The following BABAM2 variants were observed in gnomAD, a reference collection of about 807,000 sequenced individuals.
BABAM2 encodes the protein BRISC and BRCA1-A complex member 2.
Under a neutral mutation model 54.7 loss-of-function variants are expected in BABAM2, and 31 were observed. That is an observed-to-expected ratio of 0.57 (90% CI 0.43 to 0.77). BABAM2 has a LOEUF of 0.77. Among genes scored for constraint, BABAM2 ranks in the 30% least tolerant of loss-of-function variants. The pLI is 0.00. For missense variants in BABAM2, 364 were observed against 455.8 expected (o/e 0.80, Z 1.83); for synonymous variants, 167 against 162.9 (o/e 1.03, Z -0.19).
chr2:28,060,421 A>G (rs774726129), intron 6 of BABAM2, among the ~76,000 whole-genome samples: 1 of 152,164 alleles, frequency 6.6e-6, no homozygotes, highest in Non-Finnish European at 1.5e-5. Context: ...AAGACCAAAT[A>G]CTTTCTCTCT....
chr2:28,045,895 T>A (rs1677520764), intron 6 of BABAM2, 96 bp downstream of exon 6: 6 of 983,224 alleles, frequency 6.1e-6, no homozygotes, highest in Non-Finnish European at 8.9e-6. Flanking sequence ...AGCATTTTGT[T>A]CAGATGATGA....
At chr2:28,260,642 A>G (rs1181041535) in intron 10 of BABAM2, among the ~76,000 whole-genome samples, 1 of 152,054 alleles carries the variant, frequency 6.6e-6, no homozygotes, top group Non-Finnish European at 1.5e-5. Context: ...AGTCTTTTAC[A>G]TCCTTTGCCT....
chr2:27,997,311 G>A (rs947380469), intron 4 of BABAM2, among the ~76,000 whole-genome samples: 3 of 152,124 alleles, frequency 2.0e-5, no homozygotes, highest in African/African-American at 7.2e-5. Context: ...AAGAGAATAT[G>A]AGAAAATTAC....
chr2:27,946,989 G>T (rs1032558067), intron 3 of BABAM2, among the ~76,000 whole-genome samples: 1 of 151,802 alleles, frequency 6.6e-6, no homozygotes, highest in Non-Finnish European at 1.5e-5. Flanking sequence ...TGCTTTCCTT[G>T]ATGAATCTAG....
rs1558667729 is a variant in BABAM2 at position 28,026,916 on chromosome 2, TAATATATATA to T, written c.495+1507_495+1516del. The stretch of plus-strand genomic sequence containing the variant: ...TATATAAATATATATAAATATATAT[TAATATATATA>T]AATATATATATAAATATATATTAAT... On this transcript the variant is annotated intron_variant, in intron 5 of 11. Coordinates refer to ENST00000379624, the MANE Select transcript of BABAM2 (RefSeq NM_199191.3). Among the ~76,000 whole-genome samples, 26 of 34,702 alleles carry T rather than the reference TAATATATATA, an allele frequency of 7.5e-4. 3 individuals carry two copies. The highest frequency in any genetic ancestry group is 0.018 in the Middle Eastern group (1 of 56). 22.8% of individuals were successfully genotyped at this position (34,702 alleles called of 152,430 possible). A position where few individuals can be genotyped will look rare whatever the true frequency, so the allele number is the denominator to read the frequency against.
intron 7 of BABAM2, among the ~76,000 whole-genome samples, chr2:28,222,127 C>T (rs1413313757): frequency 1.3e-5 from 2 of 152,150 alleles, no homozygotes; most frequent in Non-Finnish European, 2.9e-5. Flanking sequence ...CAGCACTTGC[C>T]GGATGGCCCA....
rs190385700 is a variant in BABAM2, at chr2:28,329,622, A to G, written c.1089-8828A>G. On this transcript the variant is annotated intron_variant, in intron 11 of 11. Coordinates refer to ENST00000379624, the MANE Select transcript of BABAM2 (RefSeq NM_199191.3). This position sits in a 1 kb window ranked among gnomAD's most constrained non-coding sequence, Gnocchi z 4.2. ...TCCTGGACACATACACCCTCCCAAG[A>G]CTGAACCAGAAAGAAGTTGAATCCC... 6.5e-3 allele frequency among the ~76,000 whole-genome samples: 987 copies of G among 152,316 alleles called. 6 individuals carry two copies. Among genetic ancestry groups the G allele is most frequent in the South Asian group, 0.011 (53 of 4,824 alleles).
At chr2:27,996,681 C>A (rs900698750) in intron 4 of BABAM2, among the ~76,000 whole-genome samples, 1 of 152,166 alleles carries the variant, frequency 6.6e-6, no homozygotes, top group Non-Finnish European at 1.5e-5. Flanking sequence ...TCCAATGGTT[C>A]CTCTAAGCCT....
At chr2:28,152,006 CT>C in intron 7 of BABAM2, among the ~76,000 whole-genome samples, 1 of 115,470 alleles carries the variant, frequency 8.7e-6, no homozygotes, top group Non-Finnish European at 2.2e-5. Context: ...AAGCCTAGTT[CT>C]GCAGGGGGCT....
chr2:28,182,430 A>G (rs1675749133), intron 7 of BABAM2, among the ~76,000 whole-genome samples: 1 of 152,114 alleles, frequency 6.6e-6, no homozygotes, highest in African/African-American at 2.4e-5. Flanking sequence ...CACACACACA[A>G]TCATAGCTGC....
intron 10 of BABAM2, among the ~76,000 whole-genome samples, chr2:28,255,700 C>T (rs143560668): frequency 8.6e-5 from 13 of 151,428 alleles, no homozygotes; most frequent in East Asian, 7.9e-4. Flanking sequence ...TGGTCTCACT[C>T]GCTCACCCAG....
In BABAM2 at chr2:28,051,225, G is replaced by A. The variant is rs569695188; in HGVS notation, c.570+5426G>A. The stretch of plus-strand genomic sequence containing the variant: ...TTTTACACAGCTTCCCAAAATGTGC[G>A]TTTAATCTCAGAAAGGCAACTATCC... On this transcript the variant is annotated intron_variant, in intron 6 of 11. Transcript: ENST00000379624. Among the ~76,000 whole-genome samples the A allele has an allele frequency of 5.9e-5, 9 of 152,288 alleles. No homozygotes were observed. In the South Asian group the frequency reaches 8.3e-4, roughly 14 times the overall value.
chr2:28,046,547 TA>T (rs199704114), intron 6 of BABAM2, among the ~76,000 whole-genome samples: 1,595 of 152,332 alleles, frequency 0.01, 22 homozygotes, highest in African/African-American at 0.037. Context: ...TGTGGTTCTT[TA>T]ATTGCAATCT....
intron 1 of BABAM2, among the ~76,000 whole-genome samples, chr2:27,891,758 T>C (rs1664868685): frequency 7.0e-6 from 1 of 142,940 alleles, no homozygotes; most frequent in African/African-American, 2.6e-5. Flanking sequence ...ATTTTAATAC[T>C]GCGTGAAACC....
intron 2 of BABAM2, among the ~76,000 whole-genome samples, chr2:27,900,354 T>C (rs1665682623): frequency 6.6e-6 from 1 of 151,890 alleles, no homozygotes; most frequent in South Asian, 2.1e-4. Context: ...AAGAACCTAA[T>C]CGAAGCAAGA....
chr2:27,964,614 A>G (rs1670708115), intron 3 of BABAM2, among the ~76,000 whole-genome samples: 1 of 152,198 alleles, frequency 6.6e-6, no homozygotes, highest in African/African-American at 2.4e-5. Flanking sequence ...ACTTTTGGGC[A>G]GCACAGTGTA....
chr2:27,986,007 G>A (rs1389202420), intron 3 of BABAM2, among the ~76,000 whole-genome samples: 1 of 152,088 alleles, frequency 6.6e-6, no homozygotes, highest in South Asian at 2.1e-4. Flanking sequence ...ACAATTTAGT[G>A]GGCTCATAAA....
At chr2:28,328,522 G>C (rs1297116029) in intron 11 of BABAM2, among the ~76,000 whole-genome samples, 1 of 152,150 alleles carries the variant, frequency 6.6e-6, no homozygotes, top group African/African-American at 2.4e-5. Flanking sequence ...CCTGACTCTA[G>C]CAAACATCAT....
intron 3 of BABAM2, among the ~76,000 whole-genome samples, chr2:27,977,983 T>G (rs113999516): frequency 0.028 from 4,327 of 152,324 alleles, 102 homozygotes; most frequent in South Asian, 0.1. Context: ...AAGGACACAC[T>G]AAGGGTTAGA....
Sources: gnomAD v4.1 joint callset for allele counts (sites outside exome capture counted in the v4.1 genomes callset) on GRCh38, gnomAD v4.1.1 for gene constraint, Gnocchi (gnomAD v3.1) non-coding constraint, MANE v1.5 for transcripts, NCBI Gene and HGNC (gene_info 2026-07-23, HGNC 2026-07-21) for gene names.